DLGAP2: variants seen among roughly 807,000 people sequenced by gnomAD.
DLGAP2 encodes the protein DLG associated protein 2, also known as disks large-associated protein 2.
DLGAP2 carries 26 observed loss-of-function variants against 100.3 expected under a neutral mutation model. The ratio of observed to expected loss-of-function variants is 0.26; its 90% CI spans 0.19 to 0.36. The LOEUF is 0.36. DLGAP2 is among the 10% of genes least tolerant of loss of function. DLGAP2 has a pLI of 1.00. For synonymous variants in DLGAP2, 886 were observed against 630.1 expected, an observed-to-expected ratio of 1.41 and a Z score of -6.08; for missense variants, 1,858 against 1,453.2, an observed-to-expected ratio of 1.28 and a Z score of -4.53.
At chr8:759,173 G>GACAGCCTTCCCA (rs1821005599) in intron 1 of DLGAP2, among the ~76,000 whole-genome samples, 2 of 14,030 alleles carry the variant, frequency 1.4e-4, no homozygotes, top group African/African-American at 4.8e-4. Flanking sequence ...CAGCCTTCCC[G>GACAGCCTTCCCA]TTATCAATAC....
Position 737,755 on chromosome 8 carries a change from A to G in DLGAP2, c.-53A>G. 2.7e-6 allele frequency: 1 copy of G among 376,258 alleles called. No individual in the cohort carries two copies. The highest frequency in any genetic ancestry group is 4.6e-5 in the Admixed American group (1 of 21,926). 23.3% of individuals were successfully genotyped at this position (376,258 alleles called of 1,614,324 possible). ...AGCCCCGGGAGCCGTCGGTCTGAGG[A>G]GGGGCCGCTTCGCCATGTCGCCCCG... On this transcript the variant is annotated 5_prime_UTR_variant, in exon 1 of 15. Transcript: ENST00000637795.
At chr8:1,267,707 G>T (rs934458771) in intron 3 of DLGAP2, among the ~76,000 whole-genome samples, 4 of 151,996 alleles carry the variant, frequency 2.6e-5, no homozygotes, top group African/African-American at 9.7e-5. Flanking sequence ...CCTCCGTGTC[G>T]CTGGCCCCCT....
chr8:1,477,237 T>G (rs1798961122), intron 3 of DLGAP2, among the ~76,000 whole-genome samples: 1 of 152,154 alleles, frequency 6.6e-6, no homozygotes, highest in South Asian at 2.1e-4. Flanking sequence ...CCTCTTTGCC[T>G]AGGTCAGGTC....
intron 8 of DLGAP2, among the ~76,000 whole-genome samples, chr8:1,651,443 C>T (rs1798161366): frequency 6.6e-6 from 1 of 152,186 alleles, no homozygotes; most frequent in African/African-American, 2.4e-5. Flanking sequence ...CCCTAGTTAC[C>T]TCCCCCATCA....
intron 4 of DLGAP2, among the ~76,000 whole-genome samples, chr8:1,546,680 C>A (rs1302981938): frequency 6.6e-6 from 1 of 152,198 alleles, no homozygotes; most frequent in Non-Finnish European, 1.5e-5. Flanking sequence ...CTTGCTTTCC[C>A]TGGCATCCAT....
intron 3 of DLGAP2, among the ~76,000 whole-genome samples, chr8:1,387,136 A>G (rs1039992853): frequency 1.3e-5 from 2 of 152,188 alleles, no homozygotes. Context: ...CGTCGTGATC[A>G]TTGACAGTAA....
At chr8:1,178,000 C>T (rs1436952583) in intron 2 of DLGAP2, among the ~76,000 whole-genome samples, 17 of 152,338 alleles carry the variant, frequency 1.1e-4, no homozygotes, top group Non-Finnish European at 1.9e-4. Flanking sequence ...GGGCTGTGGC[C>T]GTGGCCAGTG....
chr8:1,026,485 C>T (rs771474839), intron 2 of DLGAP2, among the ~76,000 whole-genome samples: 2 of 152,190 alleles, frequency 1.3e-5, no homozygotes, highest in Non-Finnish European at 2.9e-5. Context: ...CCTGCTCCTG[C>T]TGTGATCTAA....
chr8:1,091,042 T>C (rs1432623540), intron 2 of DLGAP2, among the ~76,000 whole-genome samples: 1 of 152,156 alleles, frequency 6.6e-6, no homozygotes, highest in East Asian at 1.9e-4. Context: ...CAGTCTTCAC[T>C]CTGGGTCTGA....
In DLGAP2 at chr8:820,531, C is replaced by G. The variant is rs539207377; in HGVS notation, c.18+82706C>G. On this transcript the variant is annotated intron_variant, in intron 1 of 14. Transcript: ENST00000637795. ...AAGAAAAAAACTAAGAAACAGTTTA[C>G]ACAGAAATTTGTTTGCTCAATAATC... 2.6e-5 allele frequency among the ~76,000 whole-genome samples: 4 copies of G among 152,232 alleles called. No individual in the cohort carries two copies. The South Asian group carries it at 8.3e-4, about 32-fold the overall frequency.
intron 4 of DLGAP2, among the ~76,000 whole-genome samples, chr8:1,539,248 A>G (rs897828989): frequency 6.6e-6 from 1 of 152,204 alleles, no homozygotes; most frequent in Admixed American, 6.5e-5. Flanking sequence ...AGACTCTGAG[A>G]GAGCTCAGGC....
chr8:1,338,517 A>G (rs1801339712), intron 3 of DLGAP2, among the ~76,000 whole-genome samples: 1 of 152,228 alleles, frequency 6.6e-6, no homozygotes, highest in African/African-American at 2.4e-5. Context: ...GATACAGAAT[A>G]TGTTTTGGGG....
At chr8:1,035,765 A>G (rs375359260) in intron 2 of DLGAP2, among the ~76,000 whole-genome samples, 2 of 730 alleles carry the variant, frequency 2.7e-3, no homozygotes, top group Admixed American at 8.3e-3. Flanking sequence ...GCTCATCCCG[A>G]CCCCGCGTGT....
intron 2 of DLGAP2, chr8:1,104,910 T>C (rs1365463391): frequency 6.6e-6 from 1 of 152,234 alleles, no homozygotes; most frequent in Non-Finnish European, 1.5e-5. Context: ...GGCAGCTTCC[T>C]TCTTAGCAGA....
chr8:997,079 C>T (rs750013532), intron 2 of DLGAP2, among the ~76,000 whole-genome samples: 13 of 152,056 alleles, frequency 8.5e-5, no homozygotes, highest in East Asian at 5.8e-4. Context: ...ATGCATGTGA[C>T]GGACTGTTTT....
chr8:1,505,986 A>G (rs1447161871), intron 4 of DLGAP2, among the ~76,000 whole-genome samples: 1 of 152,232 alleles, frequency 6.6e-6, no homozygotes, highest in Non-Finnish European at 1.5e-5. Context: ...CACATATTAT[A>G]TATGCAGCAC....
chr8:1,245,630 G>A (rs1199573515), intron 2 of DLGAP2, among the ~76,000 whole-genome samples: 1 of 152,206 alleles, frequency 6.6e-6, no homozygotes, highest in Non-Finnish European at 1.5e-5. Context: ...TATTTTTGGA[G>A]TGACGAAATG....
intron 6 of DLGAP2, among the ~76,000 whole-genome samples, chr8:1,626,137 G>A (rs1305400402): frequency 8.8e-5 from 13 of 147,548 alleles, no homozygotes; most frequent in Non-Finnish European, 3.0e-5. Context: ...GCCCTGTGGC[G>A]GGTGCTCAGC....
At chr8:950,911 A>G (rs1039057909) in intron 2 of DLGAP2, among the ~76,000 whole-genome samples, 8 of 152,008 alleles carry the variant, frequency 5.3e-5, no homozygotes, top group Non-Finnish European at 1.2e-4. Context: ...GACGTGAGCC[A>G]CCGCGCTCGG....
Sources: allele counts gnomAD v4.1 joint callset (sites outside exome capture counted in the v4.1 genomes callset), GRCh38; gene constraint gnomAD v4.1.1; transcripts MANE v1.5; gene names NCBI Gene and HGNC (gene_info 2026-07-23, HGNC 2026-07-21).